The following FGF14 variants were observed in gnomAD, a reference collection of about 807,000 sequenced individuals.
The protein encoded by FGF14 is fibroblast growth factor homologous factor 4.
Under a neutral mutation model 25.5 loss-of-function variants are expected in FGF14, and 5 were observed. That is an observed-to-expected ratio of 0.20 (90% CI 0.10 to 0.41). The LOEUF is 0.41. Ranked by LOEUF, FGF14 falls within the 10% of genes least tolerant of loss-of-function variation. The pLI is 1.00. For synonymous variants in FGF14, 138 were observed against 118.3 expected (o/e 1.17, Z -1.08); for missense variants, 222 against 320.1 (o/e 0.69, Z 2.34).
At chr13:102,077,356 AC>A in intron 1 of FGF14, among the ~76,000 whole-genome samples, 1 of 152,296 alleles carries the variant, frequency 6.6e-6, no homozygotes, top group South Asian at 2.1e-4. Flanking sequence ...GAGTGAAGAG[AC>A]AGTCTGTGAA....
At chr13:101,772,976 A>C (rs2038873967) in intron 3 of FGF14, among the ~76,000 whole-genome samples, 1 of 152,146 alleles carries the variant, frequency 6.6e-6, no homozygotes, top group Non-Finnish European at 1.5e-5. Flanking sequence ...ATAGATAGCA[A>C]ATGGACTATC....
intron 1 of FGF14, among the ~76,000 whole-genome samples, chr13:101,896,112 T>A (rs569539988): frequency 6.6e-6 from 1 of 152,292 alleles, no homozygotes; most frequent in Non-Finnish European, 1.5e-5. Flanking sequence ...TTCATACCCA[T>A]TTGCAAAGTT....
intron 1 of FGF14, among the ~76,000 whole-genome samples, chr13:102,363,017 G>C (rs2139049723): frequency 6.6e-6 from 1 of 152,166 alleles, no homozygotes; most frequent in African/African-American, 2.4e-5. Context: ...TAGTGAGCAT[G>C]TTAAGAATAT....
chr13:102,267,993 A>G (rs2053072003), intron 1 of FGF14, among the ~76,000 whole-genome samples: 1 of 152,176 alleles, frequency 6.6e-6, no homozygotes, highest in Non-Finnish European at 1.5e-5. Context: ...ATAAATAGAT[A>G]AGAAGGAAAC....
chr13:102,040,319 A>T (rs1227197402), intron 1 of FGF14, among the ~76,000 whole-genome samples: 1 of 152,074 alleles, frequency 6.6e-6, no homozygotes, highest in African/African-American at 2.4e-5. Flanking sequence ...GCAAATAATC[A>T]TATTTGTCTT....
intron 1 of FGF14, among the ~76,000 whole-genome samples, chr13:102,195,030 GA>G (rs200492603): frequency 5.3e-5 from 8 of 150,216 alleles, no homozygotes; most frequent in South Asian, 2.1e-4. Flanking sequence ...CTTCAAAAAT[GA>G]AAAAAAAAGT....
At chr13:102,164,547 A>G (rs751464255) in intron 1 of FGF14, among the ~76,000 whole-genome samples, 3 of 152,210 alleles carry the variant, frequency 2.0e-5, no homozygotes, top group Non-Finnish European at 2.9e-5. Context: ...AAAATGAAAC[A>G]GGCAGGCAAT....
At chr13:102,027,191 TGAGA>T (rs1196153959) in intron 1 of FGF14, among the ~76,000 whole-genome samples, 1 of 151,098 alleles carries the variant, frequency 6.6e-6, no homozygotes. Flanking sequence ...TTAATCAACT[TGAGA>T]AATAAAAAGA....
intron 1 of FGF14, among the ~76,000 whole-genome samples, chr13:102,051,561 GC>G (rs1365010898): frequency 1.3e-5 from 2 of 152,178 alleles, no homozygotes; most frequent in African/African-American, 4.8e-5. Flanking sequence ...GACTTTGGCA[GC>G]CATCACCACC....
intron 1 of FGF14, among the ~76,000 whole-genome samples, chr13:102,076,896 A>G (rs1025466469): frequency 6.6e-6 from 1 of 152,190 alleles, no homozygotes; most frequent in Non-Finnish European, 1.5e-5. Flanking sequence ...TATAGTGATT[A>G]AAACAGCAAA....
chr13:102,392,706 C>G (rs893910878), intron 1 of FGF14, among the ~76,000 whole-genome samples: 3 of 152,130 alleles, frequency 2.0e-5, no homozygotes, highest in African/African-American at 7.2e-5. Flanking sequence ...TCAGAAAATT[C>G]CAGACTCCTC....
At chr13:102,077,333 G>A (rs1280650728) in intron 1 of FGF14, among the ~76,000 whole-genome samples, 1 of 152,076 alleles carries the variant, frequency 6.6e-6, no homozygotes, top group South Asian at 2.1e-4. Flanking sequence ...GCACAGTAAG[G>A]GAACAATCAA....
intron 1 of FGF14, among the ~76,000 whole-genome samples, chr13:102,068,981 T>C (rs891835100): frequency 6.6e-6 from 1 of 152,220 alleles, no homozygotes; most frequent in African/African-American, 2.4e-5. Context: ...AGCTCGGGAT[T>C]GTAAACACAC....
intron 1 of FGF14, among the ~76,000 whole-genome samples, chr13:102,306,577 G>A (rs1474174851): frequency 6.6e-6 from 1 of 152,130 alleles, no homozygotes; most frequent in Non-Finnish European, 1.5e-5. Flanking sequence ...CAAGGTAAGA[G>A]GGGACCCTAT....
chr13:102,235,340 T>C (rs1380497507), intron 1 of FGF14, among the ~76,000 whole-genome samples: 1 of 152,204 alleles, frequency 6.6e-6, no homozygotes, highest in East Asian at 1.9e-4. Context: ...AGATCTAATA[T>C]CCACTTAGCT....
chr13:101,893,879 A>G (rs1286473268), intron 1 of FGF14, among the ~76,000 whole-genome samples: 1 of 152,154 alleles, frequency 6.6e-6, no homozygotes, highest in East Asian at 1.9e-4. Flanking sequence ...CAGCAGTGAG[A>G]AACCAATACA....
chr13:101,848,040 A>T (rs2043555769), intron 3 of FGF14, among the ~76,000 whole-genome samples: 1 of 152,092 alleles, frequency 6.6e-6, no homozygotes, highest in African/African-American at 2.4e-5. Flanking sequence ...AAGAAATTTT[A>T]AAATGGTTTA....
chr13:102,010,233 A>G (rs1380724428), intron 1 of FGF14, among the ~76,000 whole-genome samples: 4 of 152,210 alleles, frequency 2.6e-5, no homozygotes, highest in East Asian at 3.8e-4. Context: ...ATATTATATA[A>G]CAGGTTTGAA....
At chr13:102,324,814 G>A (rs1009643051) in intron 1 of FGF14, among the ~76,000 whole-genome samples, 4 of 152,158 alleles carry the variant, frequency 2.6e-5, no homozygotes, top group Non-Finnish European at 5.9e-5. Flanking sequence ...GAGAAGATCT[G>A]TGTGTTCAAA....
Sources: allele counts gnomAD v4.1 joint callset (sites outside exome capture counted in the v4.1 genomes callset), GRCh38; gene constraint gnomAD v4.1.1; transcripts MANE v1.5; gene names NCBI Gene and HGNC (gene_info 2026-07-23, HGNC 2026-07-21).